The following FGF18 variants were observed in gnomAD, a reference collection of about 807,000 sequenced individuals.
The protein encoded by FGF18 is fibroblast growth factor 18.
A neutral mutation model predicts 23.0 loss-of-function variants in FGF18; 5 were observed. The ratio of observed to expected loss-of-function variants is 0.22; its 90% CI spans 0.11 to 0.46. FGF18 has a LOEUF of 0.46. FGF18 is among the 20% of genes least tolerant of loss of function. FGF18 has a pLI of 0.99. For missense variants in FGF18, 180 were observed against 291.6 expected, an observed-to-expected ratio of 0.62 and a Z score of 2.79; for synonymous variants, 117 against 118.9, an observed-to-expected ratio of 0.98 and a Z score of 0.10.
Position 171,451,224 on chromosome 5 carries a change from G to A in FGF18, c.357+1971G>A, listed in dbSNP as rs1466031599. Among the ~76,000 whole-genome samples the A allele has an allele frequency of 6.6e-6, 1 of 151,946 alleles. No homozygotes were observed. Among genetic ancestry groups the A allele is most frequent in the East Asian group, 1.9e-4 (1 of 5,152 alleles). ...GCGCAGCGGAGGGAGGCCCGGCCCC[G>A]GCCCCCGGCGCCTCCCCCGCTCCCG... On this transcript the variant is annotated intron_variant, in intron 4 of 4. Transcript: ENST00000274625. The surrounding 1 kb of genome is among the most constrained non-coding windows in gnomAD (Gnocchi z 4.5).
chr5:171,443,501 A>ATTT lies in FGF18; in HGVS notation c.251-5617_251-5615dup, dbSNP rs59576538. On this transcript the variant is annotated intron_variant, in intron 3 of 4. Coordinates refer to ENST00000274625, the MANE Select transcript of FGF18 (RefSeq NM_003862.3). ...CAGATAAGTATTCACTGTTATCATC[A>ATTT]TTTTTTTTTTTTTTTTTTTTTTTTT... Among the ~76,000 whole-genome samples, 20 of 63,768 alleles carry ATTT rather than the reference A, an allele frequency of 3.1e-4. 2 individuals are homozygous for ATTT. The highest frequency in any genetic ancestry group is 1.5e-3 in the South Asian group (2 of 1,362). The allele number at this position is 63,768 out of a possible 152,430, so 41.8% of individuals were successfully genotyped here.
chr5:171,452,005 A>G (rs1772521677), intron 4 of FGF18, among the ~76,000 whole-genome samples: 1 of 152,150 alleles, frequency 6.6e-6, no homozygotes, highest in Admixed American at 6.5e-5. Context: ...CTGAGGGCGG[A>G]TTCTGCATCC....
chr5:171,444,976 C>G (rs1035303421), intron 3 of FGF18, among the ~76,000 whole-genome samples: 1 of 152,036 alleles, frequency 6.6e-6, no homozygotes. Flanking sequence ...ATAAGAGTTT[C>G]GGAGAAGAGC....
At chr5:171,448,012 C>T (rs557812672) in intron 3 of FGF18, among the ~76,000 whole-genome samples, 10 of 152,210 alleles carry the variant, frequency 6.6e-5, no homozygotes, top group African/African-American at 1.4e-4. Flanking sequence ...TAAGAGAGGG[C>T]GCGTGGCCTA....
intron 3 of FGF18, among the ~76,000 whole-genome samples, chr5:171,448,087 T>C (rs746728033): frequency 1.3e-5 from 2 of 152,130 alleles, no homozygotes; most frequent in Admixed American, 6.5e-5. Flanking sequence ...AGGAAAAGAT[T>C]TGGACACAGC....
chr5:171,425,042 G>A (rs931114664), intron 2 of FGF18, among the ~76,000 whole-genome samples: 4 of 152,214 alleles, frequency 2.6e-5, no homozygotes, highest in African/African-American at 7.2e-5. Context: ...CTCCAAGGAC[G>A]CACTGGACCC....
intron 1 of FGF18, 86 bp from the exon 2 acceptor site, chr5:171,420,321 C>T: frequency 1.9e-6 from 3 of 1,606,036 alleles, no homozygotes; most frequent in East Asian, 4.5e-5. Flanking sequence ...CCCGTCGGTT[C>T]ACCTGACTCT....
Position 171,457,332 on chromosome 5 carries a change from C to G in FGF18, c.*527C>G, listed in dbSNP as rs781203073. The stretch of plus-strand genomic sequence containing the variant: ...CGCTGCAAGCTGCCCCGAGACACCG[C>G]GCAGGGAAGGCGTGCCCCTGGGAAT... On this transcript the variant is annotated 3_prime_UTR_variant, in exon 5 of 5. Transcript: ENST00000274625. 12 of 153,610 alleles carry G rather than the reference C, an allele frequency of 7.8e-5. No individual in the cohort carries two copies. Among genetic ancestry groups the G allele is most frequent in the African/African-American group, 2.9e-4 (12 of 41,384 alleles). 9.5% of individuals were successfully genotyped at this position (153,610 alleles called of 1,614,324 possible).
intron 4 of FGF18, among the ~76,000 whole-genome samples, chr5:171,453,406 T>TG (rs1211219724): frequency 1.3e-5 from 2 of 152,234 alleles, no homozygotes; most frequent in Non-Finnish European, 2.9e-5. Context: ...TGACTGGCAC[T>TG]GGGTAGCTCC....
intron 3 of FGF18, among the ~76,000 whole-genome samples, chr5:171,438,454 T>A (rs2113347368): frequency 6.6e-6 from 1 of 151,998 alleles, no homozygotes; most frequent in Middle Eastern, 3.4e-3. Flanking sequence ...CCTGTCCAAA[T>A]GCCCATGTTG....
At chr5:171,421,751 C>T (rs1014149229) in intron 2 of FGF18, among the ~76,000 whole-genome samples, 2 of 152,082 alleles carry the variant, frequency 1.3e-5, no homozygotes, top group Non-Finnish European at 2.9e-5. Flanking sequence ...GAAGGGTGGA[C>T]GGACTGATGG....
intron 2 of FGF18, among the ~76,000 whole-genome samples, chr5:171,422,663 G>C (rs1340092220): frequency 6.6e-6 from 1 of 152,194 alleles, no homozygotes; most frequent in African/African-American, 2.4e-5. Flanking sequence ...GAAATGAGGG[G>C]TAGGAGCCAA....
chr5:171,450,639 G>C (rs1027065338), intron 4 of FGF18, among the ~76,000 whole-genome samples: 10 of 152,220 alleles, frequency 6.6e-5, no homozygotes, highest in African/African-American at 2.4e-4. Flanking sequence ...CGCAGAGCGC[G>C]GCTCCGGGAT....
At chr5:171,427,932 C>T (rs1343055422) in intron 2 of FGF18, among the ~76,000 whole-genome samples, 2 of 152,114 alleles carry the variant, frequency 1.3e-5, no homozygotes, top group Non-Finnish European at 2.9e-5. Context: ...GCCGTGTGAC[C>T]GAGTGATTGA....
intron 2 of FGF18, among the ~76,000 whole-genome samples, chr5:171,423,978 T>A (rs933071854): frequency 6.6e-6 from 1 of 152,090 alleles, no homozygotes; most frequent in Non-Finnish European, 1.5e-5. Context: ...TTGGCCAGGC[T>A]GGTCTCGAAC....
At chr5:171,428,727 C>T (rs375259034) in intron 2 of FGF18, among the ~76,000 whole-genome samples, 1 of 152,144 alleles carries the variant, frequency 6.6e-6, no homozygotes, top group East Asian at 1.9e-4. Context: ...GGCTTGTTAC[C>T]TCATGGGCAT....
intron 3 of FGF18, among the ~76,000 whole-genome samples, chr5:171,446,971 C>T (rs903634593): frequency 2.0e-5 from 3 of 152,020 alleles, no homozygotes; most frequent in East Asian, 1.9e-4. Context: ...CAGACACATC[C>T]GATATCCTTC....
At chr5:171,422,789 C>T (rs1404626902) in intron 2 of FGF18, among the ~76,000 whole-genome samples, 6 of 152,300 alleles carry the variant, frequency 3.9e-5, no homozygotes, top group Admixed American at 3.9e-4. Context: ...GGAGGCCTCT[C>T]TACATGGCAG....
Position 171,451,307 on chromosome 5 carries a change from C to T in FGF18, c.357+2054C>T, listed in dbSNP as rs1772504336. On this transcript the variant is annotated intron_variant, in intron 4 of 4. Coordinates refer to ENST00000274625, the MANE Select transcript of FGF18 (RefSeq NM_003862.3). The surrounding 1 kb of genome is among the most constrained non-coding windows in gnomAD (Gnocchi z 4.5). Reference sequence around the variant, plus strand: ...CAGCCTCCTGTCTTCTGGGCCCACCCGGGGGACTCGAGGACGCCACCAAAT... The same window carrying T: ...CAGCCTCCTGTCTTCTGGGCCCACCTGGGGGACTCGAGGACGCCACCAAAT... Among the ~76,000 whole-genome samples the T allele has an allele frequency of 1.3e-5, 2 of 152,170 alleles. No individual in the cohort carries two copies. Among genetic ancestry groups the T allele is most frequent in the African/African-American group, 4.8e-5 (2 of 41,446 alleles).
Sources: allele counts gnomAD v4.1 joint callset (sites outside exome capture counted in the v4.1 genomes callset), GRCh38; gene constraint gnomAD v4.1.1; non-coding constraint Gnocchi (gnomAD v3.1); transcripts MANE v1.5; gene names NCBI Gene and HGNC (gene_info 2026-07-23, HGNC 2026-07-21).